The following COG7 variants were observed in gnomAD, a reference collection of about 807,000 sequenced individuals.
COG7 encodes component of oligomeric golgi complex 7.
In COG7, 49 loss-of-function variants were observed where a neutral mutation model predicts 91.5. That is an observed-to-expected ratio of 0.54 (90% confidence interval 0.43 to 0.68). The LOEUF (loss-of-function observed/expected upper bound fraction) is 0.68, where lower values mean the gene tolerates loss of function less well. Among genes scored for constraint, COG7 ranks in the 30% least tolerant of loss-of-function variants. The pLI, the probability that COG7 is intolerant of heterozygous loss-of-function variation, is 0.00. For missense variants in COG7, 895 were observed against 961.3 expected, an observed-to-expected ratio of 0.93 and a Z score of 0.91; for synonymous variants, 365 against 388.7, an observed-to-expected ratio of 0.94 and a Z score of 0.72.
chr16:23,391,860 A>C (rs1208243271), intron 16 of COG7: 2 of 336,446 alleles, frequency 5.9e-6, no homozygotes, highest in Non-Finnish European at 9.3e-6. Context: ...GCAGGATGCT[A>C]TCTGGATGGA....
chr16:23,393,812 C>T (rs931865105), intron 14 of COG7, among the ~76,000 whole-genome samples: 3 of 151,964 alleles, frequency 2.0e-5, no homozygotes, highest in South Asian at 2.1e-4. Context: ...GAGGCCGAGG[C>T]GGATGGATCT....
rs762983727 is a variant in COG7, at chr16:23,398,033, C to A, written c.1887+13G>T. 7 of 1,612,106 alleles carry A rather than the reference C, an allele frequency of 4.3e-6. No homozygotes were observed. The highest frequency in any genetic ancestry group is 5.9e-6 in the Non-Finnish European group (7 of 1,178,192). On this transcript the variant is annotated intron_variant, in intron 14 of 16. Coordinates refer to ENST00000307149, the MANE Select transcript of COG7 (RefSeq NM_153603.4). ...ACTTGGACCACCCTGGAGAAGCACA[C>A]AGAAGCTCTTACGTTGCTGATGTAC...
intron 9 of COG7, chr16:23,416,503 T>C: frequency 4.0e-6 from 1 of 250,294 alleles, no homozygotes; most frequent in South Asian, 4.8e-5. Flanking sequence ...TGCTCAGTAT[T>C]TCTGGAACAA....
chr16:23,388,946 C>T lies in COG7; in HGVS notation c.2287G>A (p.Ala763Thr), dbSNP rs1390797306. 1.9e-6 allele frequency: 3 copies of T among 1,613,984 alleles called. No individual in the cohort carries two copies. The highest frequency in any genetic ancestry group is 1.7e-5 in the Admixed American group (1 of 60,006). Residue 763 changes from alanine (A) to threonine (T), a missense_variant, in exon 17 of 17, where the codon GCC becomes ACC. Physicochemically the swap from Ala to Thr is moderately conservative, Grantham distance 58. Transcript: ENST00000307149. ...GLPRRLATTV[A>T]TMRSVNY is the part of the protein sequence containing the mutation. ...CAGTAATTCACACTCCGCATGGTGG[C>T]CACGGTGGTGGCCAGGCGACGGGGC...
chr16:23,403,587 G>A (rs1013660566), intron 13 of COG7, 107 bp downstream of exon 13: 52 of 1,406,232 alleles, frequency 3.7e-5, no homozygotes, highest in Middle Eastern at 2.3e-4. Context: ...AAGTTAAAGC[G>A]GGATCTTCCC....
At chr16:23,433,336 C>T (rs554964599) in intron 6 of COG7, among the ~76,000 whole-genome samples, 1 of 152,102 alleles carries the variant, frequency 6.6e-6, no homozygotes, top group African/African-American at 2.4e-5. Context: ...AACGATCCGC[C>T]CACTTCGACC....
At chr16:23,412,082 T>C (rs778607606) in intron 10 of COG7, among the ~76,000 whole-genome samples, 1 of 152,188 alleles carries the variant, frequency 6.6e-6, no homozygotes, top group East Asian at 1.9e-4. Context: ...GGTTTCACCA[T>C]GTTGGCCAGG....
At chr16:23,449,845 C>A (rs1262099193) in intron 1 of COG7, among the ~76,000 whole-genome samples, 1 of 151,820 alleles carries the variant, frequency 6.6e-6, no homozygotes, top group Non-Finnish European at 1.5e-5. Context: ...AGCATTGCAA[C>A]CCATGTTTCA....
intron 4 of COG7, among the ~76,000 whole-genome samples, chr16:23,435,127 G>A (rs921589096): frequency 6.6e-6 from 1 of 152,210 alleles, no homozygotes; most frequent in African/African-American, 2.4e-5. Context: ...ACTTTGGGAG[G>A]CTAAGGCAGG....
chr16:23,405,944 C>T, intron 12 of COG7, 132 bp downstream of exon 12: 1 of 806,710 alleles, frequency 1.2e-6, no homozygotes, highest in Non-Finnish European at 2.2e-6. Context: ...ATAAATGAGA[C>T]AGAGAGGTAG....
chr16:23,410,854 C>T lies in COG7; in HGVS notation c.1410-494G>A, dbSNP rs542100497. 6.6e-5 allele frequency among the ~76,000 whole-genome samples: 10 copies of T among 152,174 alleles called. 1 individual carries two copies. Among genetic ancestry groups the T allele is most frequent in the Admixed American group, 1.3e-4 (2 of 15,280 alleles). ...CCAAGTAGCTGGGATTACAGGCGCA[C>T]GCCACCACGCCTGGCTAATTTTTGT... On this transcript the variant is annotated intron_variant, in intron 10 of 16. Coordinates refer to ENST00000307149, the MANE Select transcript of COG7 (RefSeq NM_153603.4).
Position 23,403,786 on chromosome 16 carries a change from G to A in COG7, c.1711C>T (p.Leu571=). 6.2e-7 allele frequency: 1 copy of A among 1,614,242 alleles called. No homozygotes were observed. The stretch of plus-strand genomic sequence containing the variant: ...TGGGCCTGCTGGTTAAGCCGAGTCA[G>A]CGCTGCTCGAGGTGCAGCCAGCAGG... The part of the protein sequence containing the change: ...HNLLAAPRAA[L]TRLNQQAHQL... Residue 571 remains leucine (L), a synonymous_variant, in exon 13 of 17, where the codon CTG becomes TTG. Coordinates refer to ENST00000307149, the MANE Select transcript of COG7 (RefSeq NM_153603.4).
intron 4 of COG7, among the ~76,000 whole-genome samples, chr16:23,440,399 T>A: frequency 1.3e-5 from 2 of 149,052 alleles, no homozygotes; most frequent in Non-Finnish European, 1.5e-5. Context: ...ATCTAAGGTA[T>A]TACAATGAGA....
At position 23,421,738 on chromosome 16, in the gene COG7, T is replaced by C. The variant is rs980995068; in HGVS notation, c.1010-2911A>G. Among the ~76,000 whole-genome samples, 5 of 149,598 alleles carry C rather than the reference T, an allele frequency of 3.3e-5. No individual in the cohort carries two copies. In the East Asian group the frequency reaches 7.8e-4, roughly 23 times the overall value. ...ACAAAAACAGGTCTAAAGAACAAAA[T>C]GTGTCAGGAGGCTGAGGAAGGAGAA... On this transcript the variant is annotated intron_variant, in intron 7 of 16. Transcript: ENST00000307149.
Position 23,424,837 on chromosome 16 carries a change from G to C in COG7, c.921C>G (p.Pro307=). The change falls in exon 7 of 17, where the codon CCC becomes CCG. Residue 307 remains proline, a synonymous_variant. Transcript: ENST00000307149. ...CCAGCAGCCTGGTGAGCTCCTGCTC[G>C]GGCCCTGCCCTCTCCACGCCGTTGC... ...CLSNGVERAG[P]EQELTRLLEF... 1.2e-6 allele frequency: 2 copies of C among 1,614,212 alleles called. No homozygotes were observed. The highest frequency in any genetic ancestry group is 1.7e-6 in the Non-Finnish European group (2 of 1,180,040).
At chr16:23,407,116 A>T (rs539274895) in intron 11 of COG7, among the ~76,000 whole-genome samples, 289 of 152,312 alleles carry the variant, frequency 1.9e-3, no homozygotes, top group African/African-American at 6.8e-3. Flanking sequence ...TTTAGGATGC[A>T]CTCACTATTT....
At chr16:23,427,068 G>C (rs1963860752) in intron 6 of COG7, among the ~76,000 whole-genome samples, 1 of 152,088 alleles carries the variant, frequency 6.6e-6, no homozygotes, top group Admixed American at 6.6e-5. Flanking sequence ...GGGCAACAAA[G>C]TAAGATCCTG....
At chr16:23,427,182 T>A (rs1041043914) in intron 6 of COG7, among the ~76,000 whole-genome samples, 2 of 151,928 alleles carry the variant, frequency 1.3e-5, no homozygotes, top group African/African-American at 4.8e-5. Context: ...GCCCAGGAAG[T>A]GGAGGCTGCA....
chr16:23,431,304 A>G (rs1331878870), intron 6 of COG7, among the ~76,000 whole-genome samples: 2 of 152,198 alleles, frequency 1.3e-5, no homozygotes, highest in Non-Finnish European at 2.9e-5. Flanking sequence ...CCCAACTATT[A>G]TGCTTCCATC....
Sources: allele counts gnomAD v4.1 joint callset (sites outside exome capture counted in the v4.1 genomes callset), GRCh38; gene constraint gnomAD v4.1.1; transcripts MANE v1.5; gene names NCBI Gene and HGNC (gene_info 2026-07-23, HGNC 2026-07-21).